The following NLK variants were observed in gnomAD, a reference collection of about 807,000 sequenced individuals.
The protein encoded by NLK is nemo like kinase.
A neutral mutation model predicts 59.0 loss-of-function variants in NLK; 11 were observed. The ratio of observed to expected loss-of-function variants is 0.19; its 90% confidence interval spans 0.12 to 0.31. The LOEUF (loss-of-function observed/expected upper bound fraction) is 0.31. Ranked by LOEUF, NLK falls within the 10% of genes least tolerant of loss-of-function variation. NLK has a pLI of 1.00. For synonymous variants in NLK, 235 were observed against 235.9 expected, an observed-to-expected ratio of 1.00 and a Z score of 0.03; for missense variants, 410 against 661.1, an observed-to-expected ratio of 0.62 and a Z score of 4.16.
At chr17:28,200,093 C>G (rs184965141), downstream of NLK, among the ~76,000 whole-genome samples, 36 of 152,252 alleles carry the variant, frequency 2.4e-4, no homozygotes, top group African/African-American at 7.9e-4. Context: ...CAACTATTTT[C>G]TTTCTGTCTG....
At chr17:28,112,330 C>G (rs1905559123) in intron 1 of NLK, among the ~76,000 whole-genome samples, 1 of 152,108 alleles carries the variant, frequency 6.6e-6, no homozygotes, top group Non-Finnish European at 1.5e-5. Context: ...CCCTTCAAAT[C>G]ATGTTAGCTC....
chr17:28,049,149 G>C (rs1909162638), intron 1 of NLK, among the ~76,000 whole-genome samples: 1 of 152,192 alleles, frequency 6.6e-6, no homozygotes, highest in Non-Finnish European at 1.5e-5. Context: ...TAGTTGTAAG[G>C]TACCTAGTGC....
chr17:28,191,345 G>A (rs34660529), intron 9 of NLK, 126 bp downstream of exon 9: 524 of 634,198 alleles, frequency 8.3e-4, no homozygotes, highest in Non-Finnish European at 1.2e-3. Flanking sequence ...ACAACCTTGC[G>A]TATAGCTGTG....
At chr17:28,070,240 A>C (rs1431626747) in intron 1 of NLK, among the ~76,000 whole-genome samples, 1 of 152,120 alleles carries the variant, frequency 6.6e-6, no homozygotes, top group Non-Finnish European at 1.5e-5. Flanking sequence ...TGTCTCAAAA[A>C]AAAAGAAGAA....
downstream of NLK, among the ~76,000 whole-genome samples, chr17:28,200,038 C>G (rs2142080105): frequency 6.6e-6 from 1 of 152,234 alleles, no homozygotes; most frequent in South Asian, 2.1e-4. Context: ...GCTTTCAGTT[C>G]TTTATATATT....
Position 28,043,076 on chromosome 17 carries a change from C to G in NLK, c.203C>G (p.Thr68Ser). The G allele has an allele frequency of 1.3e-6, 2 of 1,570,372 alleles. No homozygotes were observed. The highest frequency in any genetic ancestry group is 1.9e-5 in the Admixed American group (1 of 51,908). Residue 68 changes from threonine to serine, a missense_variant, in exon 1 of 11, where the codon ACC (threonine) becomes AGC (serine). This residue lies in a region of NLK where 160 missense variants were observed against 171.0 expected (regional missense o/e 0.94). Transcript: ENST00000407008. ...GCTGTACACCCTGTACAGCAGCACA[C>G]CTCTTCGGCAGCTGCGGCAGCCGCA... ...AAAVHPVQQH[T>S]SSAAAAAAAA... is the part of the protein sequence containing the mutation.
intron 1 of NLK, among the ~76,000 whole-genome samples, chr17:28,113,262 C>G (rs1905602918): frequency 6.6e-6 from 1 of 152,162 alleles, no homozygotes; most frequent in Admixed American, 6.5e-5. Flanking sequence ...CACCAGTACC[C>G]AGAAGTCCCC....
intron 7 of NLK, among the ~76,000 whole-genome samples, chr17:28,176,087 C>T (rs1908666195): frequency 6.6e-6 from 1 of 152,078 alleles, no homozygotes; most frequent in Admixed American, 6.6e-5. Flanking sequence ...TAACACTTTA[C>T]ATGAAATAAA....
At chr17:28,107,185 G>A (rs1022160374) in intron 1 of NLK, among the ~76,000 whole-genome samples, 1 of 152,102 alleles carries the variant, frequency 6.6e-6, no homozygotes, top group Non-Finnish European at 1.5e-5. Context: ...TGTAATCCTA[G>A]CACTTTGGGA....
chr17:28,203,160 T>TACACACACACAC, the NLK span, among the ~76,000 whole-genome samples: 43 of 127,142 alleles, frequency 3.4e-4, no homozygotes, highest in African/African-American at 1.4e-3. Context: ...TGTATATACA[T>TACACACACACAC]ACATACACAC....
At chr17:28,099,408 T>A (rs1005554799) in intron 1 of NLK, among the ~76,000 whole-genome samples, 2 of 152,130 alleles carry the variant, frequency 1.3e-5, no homozygotes, top group African/African-American at 4.8e-5. Context: ...CTAAAAAGTT[T>A]CTTCCTGTTT....
intron 1 of NLK, chr17:28,116,192 A>G (rs147435298): frequency 5.1e-5 from 8 of 155,532 alleles, no homozygotes; most frequent in South Asian, 1.9e-4. Flanking sequence ...CATGGTTTCT[A>G]TCATTGGGTG....
At chr17:28,064,233 G>A (rs1024264907) in intron 1 of NLK, among the ~76,000 whole-genome samples, 1 of 144,432 alleles carries the variant, frequency 6.9e-6, no homozygotes, top group Non-Finnish European at 1.5e-5. Flanking sequence ...TGAACTCCTG[G>A]ACTCAAGTAA....
rs201123637 is a variant in NLK at position 28,063,177 on chromosome 17, CCA to C, written c.458+19848_458+19849del. On this transcript the variant is annotated intron_variant, in intron 1 of 10. Transcript: ENST00000407008. ...AAACTCTTGGGATCAAGCTCTCCGC[CCA>C]CTTTGGCCTCCCAAAGTGCTGGGAT... Among the ~76,000 whole-genome samples the C allele has an allele frequency of 9.9e-5, 15 of 152,252 alleles. No homozygotes were observed. In the East Asian group the frequency reaches 2.7e-3, roughly 27 times the overall value.
Position 28,082,123 on chromosome 17 carries a change from G to A in NLK, c.458+38792G>A, listed in dbSNP as rs941317772. Reference sequence around the variant, plus strand: ...TGGCCATGCTGGCCATGCTAGTCTCGAACTCCTGACCTCACATGATCCACC... The same window carrying A: ...TGGCCATGCTGGCCATGCTAGTCTCAAACTCCTGACCTCACATGATCCACC... On this transcript the variant is annotated intron_variant, in intron 1 of 10. Transcript: ENST00000407008. 2.6e-5 allele frequency among the ~76,000 whole-genome samples: 4 copies of A among 152,120 alleles called. 1 individual carries two copies. Among genetic ancestry groups the A allele is most frequent in the African/African-American group, 7.2e-5 (3 of 41,414 alleles).
At chr17:28,132,572 GT>G (rs1278512157) in intron 2 of NLK, 47 bp from the exon 3 acceptor site, 2 of 1,431,646 alleles carry the variant, frequency 1.4e-6, no homozygotes, top group Non-Finnish European at 1.9e-6. Context: ...GTCGAATTTT[GT>G]TTCCTTTTTT....
chr17:28,146,571 G>A (rs780570002), intron 3 of NLK, among the ~76,000 whole-genome samples: 1 of 152,144 alleles, frequency 6.6e-6, no homozygotes, highest in Non-Finnish European at 1.5e-5. Context: ...CTTGCCTAAT[G>A]TTATCAAGCT....
downstream of NLK, among the ~76,000 whole-genome samples, chr17:28,200,850 G>A (rs138973886): frequency 2.0e-5 from 3 of 152,020 alleles, no homozygotes; most frequent in East Asian, 1.9e-4. Flanking sequence ...CCGTTTTAAC[G>A]CTTATACTGG....
At chr17:28,054,537 A>G (rs1021997032) in intron 1 of NLK, among the ~76,000 whole-genome samples, 2 of 152,208 alleles carry the variant, frequency 1.3e-5, no homozygotes, top group African/African-American at 4.8e-5. Context: ...TTAATAATTA[A>G]TGTTACTTAA....
Sources: allele counts gnomAD v4.1 joint callset (sites outside exome capture counted in the v4.1 genomes callset), GRCh38; gene constraint gnomAD v4.1.1; regional missense constraint gnomAD v4.1.1; transcripts MANE v1.5; gene names NCBI Gene and HGNC (gene_info 2026-07-23, HGNC 2026-07-21).